MRPS6: variants seen among roughly 807,000 people sequenced by gnomAD.
MRPS6 encodes small ribosomal subunit protein bS6m.
A neutral mutation model predicts 13.1 loss-of-function variants in MRPS6; 6 were observed. The ratio of observed to expected loss-of-function variants is 0.46; its 90% confidence interval spans 0.25 to 0.91. The LOEUF (loss-of-function observed/expected upper bound fraction) is 0.91. MRPS6 is among the 40% of genes least tolerant of loss of function. The pLI is 0.18. For synonymous variants in MRPS6, 61 were observed against 56.5 expected, an observed-to-expected ratio of 1.08 and a Z score of -0.36; for missense variants, 164 against 155.6, an observed-to-expected ratio of 1.05 and a Z score of -0.29.
intron 1 of MRPS6, chr21:34,101,273 A>G: frequency 1.0e-6 from 1 of 1,000,232 alleles, no homozygotes; most frequent in Non-Finnish European, 1.2e-6. Flanking sequence ...GCTCTCAGCT[A>G]CTTTAAACTC....
intron 1 of MRPS6, among the ~76,000 whole-genome samples, chr21:34,075,981 G>T (rs1286188806): frequency 6.6e-6 from 1 of 152,180 alleles, no homozygotes; most frequent in Non-Finnish European, 1.5e-5. Context: ...TGCAAGAAGG[G>T]TATTGAAGCT....
chr21:34,076,628 A>T (rs540428701), intron 1 of MRPS6, among the ~76,000 whole-genome samples: 1 of 152,320 alleles, frequency 6.6e-6, no homozygotes, highest in South Asian at 2.1e-4. Flanking sequence ...CTTGATTTTT[A>T]AAAAAGTGTG....
At chr21:34,105,599 G>A (rs1979441471) in intron 1 of MRPS6, 3 of 999,800 alleles carry the variant, frequency 3.0e-6, no homozygotes, top group Admixed American at 6.1e-5. Flanking sequence ...AGTACACTGG[G>A]GGTGTATATT....
intron 1 of MRPS6, among the ~76,000 whole-genome samples, chr21:34,081,293 TTCCATTC>T (rs1197924705): frequency 6.6e-6 from 1 of 152,164 alleles, no homozygotes; most frequent in Non-Finnish European, 1.5e-5. Context: ...AGGTCATCGA[TTCCATTC>T]TCCAAGTGCT....
Position 34,142,669 on chromosome 21 carries a change from A to C in MRPS6, c.*69A>C. The C allele has an allele frequency of 1.4e-6, 2 of 1,460,344 alleles. No individual in the cohort carries two copies. The highest frequency in any genetic ancestry group is 1.8e-6 in the Non-Finnish European group (2 of 1,111,178). 90.5% of individuals were successfully genotyped at this position (1,460,344 alleles called of 1,614,324 possible). A position where few individuals can be genotyped will look rare whatever the true frequency, so the allele number is the denominator to read the frequency against. The stretch of plus-strand genomic sequence containing the variant: ...TTGGGCAGCATGGACGAGAAGGAAG[A>C]ATTTGCAAGTTTGGCCTTTATATAA... On this transcript the variant is annotated 3_prime_UTR_variant, in exon 3 of 3. Transcript: ENST00000399312.
intron 1 of MRPS6, among the ~76,000 whole-genome samples, chr21:34,087,553 C>T (rs1253826828): frequency 2.6e-5 from 4 of 152,106 alleles, no homozygotes; most frequent in African/African-American, 9.7e-5. Context: ...GTGTTGAGTA[C>T]TATGGATAAA....
chr21:34,105,929 A>G, intron 1 of MRPS6: 1 of 990,564 alleles, frequency 1.0e-6, no homozygotes, highest in Non-Finnish European at 1.2e-6. Flanking sequence ...CCTATTGTGT[A>G]CAATCTGATT....
intron 2 of MRPS6, among the ~76,000 whole-genome samples, 158 bp downstream of exon 2, chr21:34,125,638 G>C (rs1980277601): frequency 6.6e-6 from 1 of 152,156 alleles, no homozygotes; most frequent in African/African-American, 2.4e-5. Context: ...GTTGCAGATG[G>C]GATGTGATAT....
chr21:34,134,567 T>G (rs1283650329), intron 2 of MRPS6, among the ~76,000 whole-genome samples: 1 of 152,226 alleles, frequency 6.6e-6, no homozygotes, highest in African/African-American at 2.4e-5. Context: ...GTTTGACATA[T>G]GTATACACTC....
intron 1 of MRPS6, among the ~76,000 whole-genome samples, chr21:34,074,208 G>A (rs1989265278): frequency 6.7e-6 from 1 of 150,372 alleles, no homozygotes; most frequent in Non-Finnish European, 1.5e-5. Context: ...GCCGGCTGCC[G>A]CCGACCGCCT....
intron 1 of MRPS6, chr21:34,098,763 AG>A (rs1269632166): frequency 2.1e-5 from 21 of 1,000,300 alleles, no homozygotes; most frequent in Non-Finnish European, 2.5e-5. Context: ...TAGTGGGTAC[AG>A]GGTACAAAAG....
intron 1 of MRPS6, among the ~76,000 whole-genome samples, chr21:34,120,409 A>AT (rs1358298721): frequency 4.6e-5 from 7 of 152,180 alleles, no homozygotes; most frequent in Non-Finnish European, 1.0e-4. Context: ...GATTTCTCTA[A>AT]TTTTTACCCT....
intron 1 of MRPS6, among the ~76,000 whole-genome samples, chr21:34,110,827 A>C (rs1979667565): frequency 6.6e-6 from 1 of 152,218 alleles, no homozygotes; most frequent in Non-Finnish European, 1.5e-5. Flanking sequence ...TAACAGTGAT[A>C]ACATTGTGCT....
chr21:34,131,256 G>T (rs1980492277), intron 2 of MRPS6, among the ~76,000 whole-genome samples: 1 of 152,204 alleles, frequency 6.6e-6, no homozygotes. Flanking sequence ...TTGATCGTGA[G>T]TCCACGTGCG....
chr21:34,122,885 T>C (rs974739247), intron 1 of MRPS6: 1 of 152,202 alleles, frequency 6.6e-6, no homozygotes, highest in Non-Finnish European at 1.5e-5. Flanking sequence ...TGTATGGCGA[T>C]GTCTTTGTGA....
rs750780187 is a variant in MRPS6, at chr21:34,112,623, C to A, written c.46-12718C>A. ...ATCCCCTGGCTCAGACAATTACTTACCTACTTTCTGTCTGTATTTGTCTAT... is the reference window on the plus strand; with the variant it reads ...ATCCCCTGGCTCAGACAATTACTTAACTACTTTCTGTCTGTATTTGTCTAT... On this transcript the variant is annotated intron_variant, in intron 1 of 2. Transcript: ENST00000399312. Among the ~76,000 whole-genome samples the A allele has an allele frequency of 6.6e-4, 101 of 152,168 alleles. 1 individual carries two copies. Among genetic ancestry groups the A allele is most frequent in the African/African-American group, 1.3e-3 (54 of 41,492 alleles).
intron 1 of MRPS6, chr21:34,103,870 C>CT (rs1979358163): frequency 3.0e-6 from 3 of 999,900 alleles, no homozygotes; most frequent in Admixed American, 6.2e-5. Flanking sequence ...GGTTTGAGGG[C>CT]TTTTTACTGC....
At position 34,135,346 on chromosome 21, in the gene MRPS6, G is replaced by GTT. The variant is rs747809642; in HGVS notation, c.186-7037_186-7036dup. On this transcript the variant is annotated intron_variant, in intron 2 of 2. Coordinates refer to ENST00000399312, the MANE Select transcript of MRPS6 (RefSeq NM_032476.4). ...ATACCAGCAATGTATATGAGAGCCG[G>GTT]TTTTTTTTTTTTTTTTTTTTTTTTT... 290 of 147,138 alleles carry GTT rather than the reference G, an allele frequency of 2.0e-3. 15 individuals carry two copies. Among genetic ancestry groups the GTT allele is most frequent in the African/African-American group, 3.6e-3 (94 of 26,332 alleles). 9.1% of individuals were successfully genotyped at this position (147,138 alleles called of 1,614,324 possible).
rs374187726 is a variant in MRPS6, at chr21:34,090,806, TGAGATCCTACAGTTAGGAA to T, written c.45+17063_45+17081del. Reference sequence around the variant, plus strand: ...GGCTCATAGAGATGAAGTTGTTGCCTGAGATCCTACAGTTAGGAAGTGACGGAGCATGGAACCCAGCCCT... The same window carrying T: ...GGCTCATAGAGATGAAGTTGTTGCCTGTGACGGAGCATGGAACCCAGCCCT... On this transcript the variant is annotated intron_variant, in intron 1 of 2. Coordinates refer to ENST00000399312, the MANE Select transcript of MRPS6 (RefSeq NM_032476.4). Among the ~76,000 whole-genome samples, 694 of 152,232 alleles carry T rather than the reference TGAGATCCTACAGTTAGGAA, an allele frequency of 4.6e-3. 4 individuals carry two copies. The highest frequency in any genetic ancestry group is 0.016 in the African/African-American group (651 of 41,540).
Sources: gnomAD v4.1 joint callset for allele counts (sites outside exome capture counted in the v4.1 genomes callset) on GRCh38, gnomAD v4.1.1 for gene constraint, MANE v1.5 for transcripts, NCBI Gene and HGNC (gene_info 2026-07-23, HGNC 2026-07-21) for gene names.